Variants in RNF216 observed in about 807,000 individuals in gnomAD.
RNF216 encodes E3 ubiquitin-protein ligase RNF216.
RNF216 carries 72 observed loss-of-function variants against 110.8 expected under a neutral mutation model. The ratio of observed to expected loss-of-function variants is 0.65; its 90% CI spans 0.54 to 0.79. RNF216 has a LOEUF of 0.79. Among genes scored for constraint, RNF216 ranks in the 30% least tolerant of loss-of-function variants. RNF216 has a pLI of 0.00. For synonymous variants in RNF216, 495 were observed against 407.5 expected (o/e 1.21, Z -2.59); for missense variants, 1,342 against 1,141.2 (o/e 1.18, Z -2.54).
intron 14 of RNF216, among the ~76,000 whole-genome samples, chr7:5,645,708 A>T (rs6974691): frequency 3.3e-5 from 5 of 151,832 alleles, no homozygotes. Context: ...CTCCTGCTTC[A>T]GCCTTCCAAG....
chr7:5,736,271 C>G (rs928225007), intron 5 of RNF216, among the ~76,000 whole-genome samples: 3 of 152,028 alleles, frequency 2.0e-5, no homozygotes, highest in Admixed American at 6.5e-5. Flanking sequence ...GTGCGCGCCG[C>G]CACGCCTGAC....
At chr7:5,740,875 C>T (rs985443895) in intron 4 of RNF216, 98 bp downstream of exon 4, 60 of 1,147,010 alleles carry the variant, frequency 5.2e-5, no homozygotes, top group Non-Finnish European at 6.9e-5. Flanking sequence ...AAATGAAGTC[C>T]ACGCATACCA....
At chr7:5,757,627 G>T (rs186241070) in intron 2 of RNF216, among the ~76,000 whole-genome samples, 1 of 152,204 alleles carries the variant, frequency 6.6e-6, no homozygotes, top group East Asian at 1.9e-4. Context: ...TTTCACAAAA[G>T]AATTCCAGTA....
At chr7:5,757,770 A>C (rs1290584745) in intron 2 of RNF216, among the ~76,000 whole-genome samples, 2 of 152,190 alleles carry the variant, frequency 1.3e-5, no homozygotes, top group African/African-American at 4.8e-5. Context: ...ATCTTTTTGG[A>C]GTGATAGAAA....
intron 15 of RNF216, among the ~76,000 whole-genome samples, chr7:5,626,412 T>TAAAAAAAAAAAAA (rs746722830): frequency 2.8e-5 from 3 of 105,878 alleles, no homozygotes. Flanking sequence ...GAAAAAAGAC[T>TAAAAAAAAAAAAA]AAAAAAAAAA....
chr7:5,749,379 G>A (rs1795217516), intron 3 of RNF216, among the ~76,000 whole-genome samples: 1 of 152,088 alleles, frequency 6.6e-6, no homozygotes. Context: ...TCGAACTCCT[G>A]ACCTCAAGTA....
At chr7:5,756,895 C>A (rs772631558) in intron 2 of RNF216, among the ~76,000 whole-genome samples, 1 of 152,174 alleles carries the variant, frequency 6.6e-6, no homozygotes, top group African/African-American at 2.4e-5. Context: ...TTTGGCCTTC[C>A]AAAGTGCTGG....
intron 3 of RNF216, among the ~76,000 whole-genome samples, chr7:5,749,254 G>A (rs1475616322): frequency 2.0e-5 from 3 of 150,798 alleles, no homozygotes; most frequent in Non-Finnish European, 2.9e-5. Context: ...GGGTTTAAGC[G>A]ATTCTACTGC....
At chr7:5,639,916 C>T (rs1463531198) in intron 15 of RNF216, among the ~76,000 whole-genome samples, 4 of 151,960 alleles carry the variant, frequency 2.6e-5, no homozygotes, top group Admixed American at 6.6e-5. Context: ...CCTGCCACCA[C>T]GCCCGGCTAA....
At position 5,680,033 on chromosome 7, in the gene RNF216, G is replaced by A. The variant is rs991150353; in HGVS notation, c.2062-27523C>T. Among the ~76,000 whole-genome samples the A allele has an allele frequency of 2.0e-5, 3 of 152,148 alleles. No homozygotes were observed. Among genetic ancestry groups the A allele is most frequent in the Non-Finnish European group, 4.4e-5 (3 of 68,028 alleles). The stretch of plus-strand genomic sequence containing the variant: ...TGCTACCAGAATAATCATGTGACAA[G>A]CTAAATCTGATCATTTCACTACCCT... On this transcript the variant is annotated intron_variant, in intron 13 of 16. Coordinates refer to ENST00000389902, the MANE Select transcript of RNF216 (RefSeq NM_207111.4). This position sits in a 1 kb window ranked among gnomAD's most constrained non-coding sequence, Gnocchi z 4.3.
At chr7:5,660,553 G>A (rs1199433937) in intron 13 of RNF216, among the ~76,000 whole-genome samples, 1 of 151,896 alleles carries the variant, frequency 6.6e-6, no homozygotes, top group Non-Finnish European at 1.5e-5. Flanking sequence ...GCCTCCCAAA[G>A]TGGTGGGATT....
intron 1 of RNF216, among the ~76,000 whole-genome samples, chr7:5,770,321 C>T (rs1343131885): frequency 1.3e-5 from 2 of 151,908 alleles, no homozygotes; most frequent in Non-Finnish European, 1.5e-5. Flanking sequence ...ATTCACCAGG[C>T]GTGGTGGCAC....
intron 13 of RNF216, among the ~76,000 whole-genome samples, chr7:5,691,325 TCA>T (rs1404763260): frequency 1.3e-5 from 2 of 152,222 alleles, no homozygotes; most frequent in African/African-American, 4.8e-5. Flanking sequence ...TCCTTACTTC[TCA>T]GTTATAAGCA....
At chr7:5,636,830 G>A (rs1787425236) in intron 15 of RNF216, among the ~76,000 whole-genome samples, 1 of 152,100 alleles carries the variant, frequency 6.6e-6, no homozygotes, top group Non-Finnish European at 1.5e-5. Flanking sequence ...AGAAGATGAC[G>A]ATCCAACAAG....
chr7:5,775,594 G>GTGCAGTGGCT (rs1463645284), intron 1 of RNF216, among the ~76,000 whole-genome samples: 1 of 152,138 alleles, frequency 6.6e-6, no homozygotes, highest in African/African-American at 2.4e-5. Flanking sequence ...AGCAGGCCAG[G>GTGCAGTGGCT]TGCAGTGGCT....
chr7:5,636,517 G>T (rs1269103963), intron 15 of RNF216, among the ~76,000 whole-genome samples: 2 of 152,182 alleles, frequency 1.3e-5, no homozygotes, highest in Non-Finnish European at 2.9e-5. Flanking sequence ...ACAAATAAGA[G>T]ATTCTTCCTG....
chr7:5,659,352 G>C (rs565302232), intron 13 of RNF216, among the ~76,000 whole-genome samples: 5 of 152,290 alleles, frequency 3.3e-5, no homozygotes, highest in East Asian at 1.9e-4. Flanking sequence ...CAGAGGATGC[G>C]ACATTTAAGC....
chr7:5,756,877 C>G (rs1399545563), intron 2 of RNF216, among the ~76,000 whole-genome samples: 3 of 152,162 alleles, frequency 2.0e-5, no homozygotes, highest in Admixed American at 2.0e-4. Context: ...CTCAAGTTAT[C>G]CTCCCACTTT....
intron 7 of RNF216, among the ~76,000 whole-genome samples, chr7:5,725,991 T>C (rs1222669510): frequency 1.3e-5 from 2 of 152,052 alleles, no homozygotes; most frequent in Non-Finnish European, 2.9e-5. Flanking sequence ...AAAGAAAAAC[T>C]GTTGGCTGGG....
Sources: allele counts gnomAD v4.1 joint callset (sites outside exome capture counted in the v4.1 genomes callset), GRCh38; gene constraint gnomAD v4.1.1; non-coding constraint Gnocchi (gnomAD v3.1); transcripts MANE v1.5; gene names NCBI Gene and HGNC (gene_info 2026-07-23, HGNC 2026-07-21).